Variants in PLCZ1 observed in about 807,000 individuals in gnomAD.
PLCZ1 encodes the protein 1-phosphatidylinositol 4,5-bisphosphate phosphodiesterase zeta-1.
PLCZ1 carries 64 observed loss-of-function variants against 76.8 expected under a neutral mutation model. The ratio of observed to expected loss-of-function variants is 0.83; its 90% CI spans 0.68 to 1.03. The LOEUF (loss-of-function observed/expected upper bound fraction) is 1.03, where lower values mean the gene tolerates loss of function less well. Ranked by LOEUF, PLCZ1 falls within the 50% of genes least tolerant of loss-of-function variation. The probability of loss-of-function intolerance (pLI) is 0.00; values close to 1 mark genes in which losing one functional copy is unlikely to be tolerated. For synonymous variants in PLCZ1, 248 were observed against 230.8 expected, an observed-to-expected ratio of 1.07 and a Z score of -0.68; for missense variants, 751 against 713.7, an observed-to-expected ratio of 1.05 and a Z score of -0.60.
intron 13 of PLCZ1, among the ~76,000 whole-genome samples, chr12:18,686,289 G>A (rs1158300060): frequency 6.6e-6 from 1 of 151,926 alleles, no homozygotes; most frequent in Non-Finnish European, 1.5e-5. Context: ...CTCTGTTAAA[G>A]TTATAGCCCT....
intron 3 of PLCZ1, among the ~76,000 whole-genome samples, chr12:18,735,046 G>T (rs188281723): frequency 1.5e-4 from 23 of 152,252 alleles, no homozygotes; most frequent in Admixed American, 8.5e-4. Context: ...TTAATGTGGT[G>T]TATCACATTG....
intron 7 of PLCZ1, 69 bp downstream of exon 7, chr12:18,705,097 G>T: frequency 6.4e-7 from 1 of 1,563,878 alleles, no homozygotes; most frequent in Non-Finnish European, 8.8e-7. Flanking sequence ...AGTTTCACAG[G>T]CCAATATAAC....
chr12:18,696,323 T>G, intron 10 of PLCZ1, 57 bp from the exon 11 acceptor site: 1 of 15,944 alleles, frequency 6.3e-5, no homozygotes, highest in Non-Finnish European at 1.3e-4. Flanking sequence ...AAAAAGCCAC[T>G]ATATATATAT....
chr12:18,736,566 A>G (rs1959287910), intron 2 of PLCZ1: 6 of 1,263,636 alleles, frequency 4.7e-6, no homozygotes, highest in Non-Finnish European at 6.1e-6. Flanking sequence ...AAAATACAAA[A>G]AAAAGAATTA....
the PLCZ1 span, among the ~76,000 whole-genome samples, chr12:18,659,489 A>G: frequency 1.3e-5 from 2 of 152,124 alleles, no homozygotes; most frequent in Non-Finnish European, 2.9e-5. Flanking sequence ...CCAAAATACC[A>G]TGATCAAAAT....
the PLCZ1 span, among the ~76,000 whole-genome samples, chr12:18,653,073 A>C: frequency 6.6e-6 from 1 of 152,088 alleles, no homozygotes; most frequent in Non-Finnish European, 1.5e-5. Context: ...TTCTGCAAAA[A>C]CTAAGACATC....
chr12:18,712,902 T>G lies in PLCZ1; in HGVS notation c.654A>C (p.Thr218=), dbSNP rs368250450. The stretch of plus-strand genomic sequence containing the variant: ...TTTTAAACAGAAGTTTGCTTGTGAG[T>G]GTGTAGCCATGATATACAACAGGTT... ...QNEPVVYHGY[T]LTSKLLFKTV... Residue 218 remains threonine, a synonymous_variant, in exon 6 of 15, where the codon ACA becomes ACC. Coordinates refer to ENST00000266505, the MANE Select transcript of PLCZ1 (RefSeq NM_033123.4). 1 of 1,613,822 alleles carries G rather than the reference T, an allele frequency of 6.2e-7. No homozygotes were observed. The highest frequency in any genetic ancestry group is 1.3e-5 in the African/African-American group (1 of 74,910).
chr12:18,699,847 T>G lies in PLCZ1; in HGVS notation c.1121A>C (p.Asn374Thr). ...TGTCTCCCCAATAGAATTATTTTCA[T>G]TAAATTGCTGATATAATCTTGAATG... Reference protein sequence around the residue: ...FQHSRLYQQFNENNSIGETQA... With the variant: ...FQHSRLYQQFTENNSIGETQA... Residue 374 changes from asparagine (N) to threonine (T), a missense_variant, in exon 10 of 15, where the codon AAT becomes ACT. By Grantham distance (65) the Asn-to-Thr change is moderately conservative. Coordinates refer to ENST00000266505, the MANE Select transcript of PLCZ1 (RefSeq NM_033123.4). 1 of 1,613,572 alleles carries G rather than the reference T, an allele frequency of 6.2e-7. No homozygotes were observed. Among genetic ancestry groups the G allele is most frequent in the Non-Finnish European group, 8.5e-7 (1 of 1,179,748 alleles).
In PLCZ1 at chr12:18,736,477, G is replaced by T; in HGVS notation, c.12-133C>A. 5.0e-6 allele frequency: 6 copies of T among 1,192,684 alleles called. No individual in the cohort carries two copies. In the South Asian group the frequency reaches 8.3e-5, roughly 17 times the overall value. 73.9% of individuals were successfully genotyped at this position (1,192,684 alleles called of 1,614,324 possible). ...GTTTAAAGTAAATTATAGTATAATT[G>T]TATGATAAATATTTTTTAAAAAACA... On this transcript the variant is annotated intron_variant, in intron 2 of 14. Transcript: ENST00000266505.
At chr12:18,715,182 GC>G (rs1447721141) in intron 5 of PLCZ1, among the ~76,000 whole-genome samples, 13 of 11,340 alleles carry the variant, frequency 1.1e-3, no homozygotes, top group African/African-American at 1.6e-3. Context: ...GGGGGGGGGG[GC>G]GGAGGGAGGG....
the PLCZ1 span, among the ~76,000 whole-genome samples, chr12:18,650,698 GTGTGTGTATATATCTATATATA>G: frequency 5.9e-3 from 172 of 29,080 alleles, 5 homozygotes; most frequent in Middle Eastern, 0.025. Flanking sequence ...GTGTGTGTGT[GTGTGTGTATATATCTATATATA>G]TATATATATA....
chr12:18,736,765 G>A, intron 2 of PLCZ1: 1 of 993,050 alleles, frequency 1.0e-6, no homozygotes, highest in Non-Finnish European at 1.4e-6. Flanking sequence ...GAAAGTGGAA[G>A]CATTAGATGA....
chr12:18,725,332 G>T (rs1441455575), intron 3 of PLCZ1, among the ~76,000 whole-genome samples: 1 of 152,060 alleles, frequency 6.6e-6, no homozygotes, highest in Non-Finnish European at 1.5e-5. Context: ...TTTGAGTGCT[G>T]AGGCACGTGA....
chr12:18,737,575 T>A lies in PLCZ1; in HGVS notation c.-138-66A>T. On this transcript the variant is annotated intron_variant, in intron 1 of 14. Transcript: ENST00000266505. ...TTCGTTCTTTGAAGCTAGCTCACAC[T>A]TAACCATAGAAACAGTATGCAAGAT... 4.2e-6 allele frequency: 3 copies of A among 709,710 alleles called. No individual in the cohort carries two copies. The East Asian group carries it at 8.2e-5, about 19-fold the overall frequency. The allele number at this position is 709,710 out of a possible 1,614,324, so 44.0% of individuals were successfully genotyped here.
intron 6 of PLCZ1, among the ~76,000 whole-genome samples, chr12:18,708,962 C>A (rs1445318145): frequency 2.0e-5 from 3 of 151,928 alleles, no homozygotes; most frequent in African/African-American, 4.8e-5. Flanking sequence ...TCATAGGCTG[C>A]CCTTTGATTT....
At chr12:18,648,088 C>T in the PLCZ1 span, 1 of 1,020,614 alleles carries the variant, frequency 9.8e-7, no homozygotes. Context: ...ACTTCTGGGC[C>T]TCTGAATCAC....
the PLCZ1 span, among the ~76,000 whole-genome samples, chr12:18,652,843 T>G: frequency 6.6e-6 from 1 of 152,106 alleles, no homozygotes; most frequent in African/African-American, 2.4e-5. Flanking sequence ...AGTTGTCTCA[T>G]AGCAACATAT....
intron 1 of PLCZ1, 103 bp from the exon 2 acceptor site, chr12:18,737,612 A>T: frequency 3.2e-6 from 2 of 634,266 alleles, no homozygotes; most frequent in African/African-American, 1.8e-5. Context: ...TGGTACCTGC[A>T]CTACCCTGCC....
At position 18,693,887 on chromosome 12, in the gene PLCZ1, A is replaced by G. The variant is rs575858001; in HGVS notation, c.1461+1023T>C. Reference sequence around the variant, plus strand: ...GCCCATCTTTCAGATTCACACAAGCAGGATGACGCTGGCTGATGATGTAAC... The same window carrying G: ...GCCCATCTTTCAGATTCACACAAGCGGGATGACGCTGGCTGATGATGTAAC... On this transcript the variant is annotated intron_variant, in intron 12 of 14. Transcript: ENST00000266505. 5.7e-5 allele frequency: 88 copies of G among 1,530,584 alleles called. No homozygotes were observed. The Middle Eastern group carries it at 3.7e-3, about 64-fold the overall frequency. The allele number at this position is 1,530,584 out of a possible 1,614,324, so 94.8% of individuals were successfully genotyped here.
Sources: allele counts gnomAD v4.1 joint callset (sites outside exome capture counted in the v4.1 genomes callset), GRCh38; gene constraint gnomAD v4.1.1; transcripts MANE v1.5; gene names NCBI Gene and HGNC (gene_info 2026-07-23, HGNC 2026-07-21).